SLC26A9: variants seen among roughly 807,000 people sequenced by gnomAD.
The protein encoded by SLC26A9 is anion transporter/exchanger protein 9.
Under a neutral mutation model 87.1 loss-of-function variants are expected in SLC26A9, and 46 were observed. The observed-to-expected ratio is 0.53, with a 90% CI of 0.42 to 0.67. The LOEUF is 0.67. Among genes scored for constraint, SLC26A9 ranks in the 30% least tolerant of loss-of-function variants. The pLI, the probability that SLC26A9 is intolerant of heterozygous loss-of-function variation, is 0.00. For synonymous variants in SLC26A9, 437 were observed against 409.1 expected, an observed-to-expected ratio of 1.07 and a Z score of -0.82; for missense variants, 927 against 1,018.3, an observed-to-expected ratio of 0.91 and a Z score of 1.22.
chr1:205,931,351 C>T (rs1165859635), intron 5 of SLC26A9, among the ~76,000 whole-genome samples: 1 of 151,842 alleles, frequency 6.6e-6, no homozygotes, highest in Admixed American at 6.6e-5. Context: ...TAACCAGGTA[C>T]AGCTGTTGTT....
In SLC26A9 at chr1:205,927,766, G is replaced by A. The variant is rs1375561484; in HGVS notation, c.1101+136C>T. On this transcript the variant is annotated intron_variant, in intron 9 of 20. Coordinates refer to ENST00000367135, the MANE Select transcript of SLC26A9 (RefSeq NM_052934.4). ...GTCAAGAGGAGGTCAGCCTCTTAGG[G>A]TCAGAGGACCCCCTATCCCCCACAC... 3.4e-6 allele frequency: 5 copies of A among 1,468,018 alleles called. No homozygotes were observed. In the Admixed American group the frequency reaches 7.8e-5, roughly 23 times the overall value. The allele number at this position is 1,468,018 out of a possible 1,614,324, so 90.9% of individuals were successfully genotyped here.
At chr1:205,919,481 A>T (rs1658731922) in intron 18 of SLC26A9, among the ~76,000 whole-genome samples, 1 of 152,082 alleles carries the variant, frequency 6.6e-6, no homozygotes, top group Non-Finnish European at 1.5e-5. Flanking sequence ...GCCACTGCAG[A>T]TTCTCTCCCC....
chr1:205,915,070 G>A lies in SLC26A9; in HGVS notation c.*287C>T. ...CAAGGACAGGGCAGAGGTGGGTGGGGTGGAGTGAGCAGGAGGCTTGTCCAT... is the reference window on the plus strand; with the variant it reads ...CAAGGACAGGGCAGAGGTGGGTGGGATGGAGTGAGCAGGAGGCTTGTCCAT... On this transcript the variant is annotated 3_prime_UTR_variant, in exon 21 of 21. Coordinates refer to ENST00000367135, the MANE Select transcript of SLC26A9 (RefSeq NM_052934.4). 6.2e-7 allele frequency: 1 copy of A among 1,614,196 alleles called. No homozygotes were observed.
intron 17 of SLC26A9, among the ~76,000 whole-genome samples, chr1:205,920,943 C>T (rs1293725959): frequency 6.6e-6 from 1 of 152,242 alleles, no homozygotes; most frequent in Non-Finnish European, 1.5e-5. Flanking sequence ...CCGGCTGAGG[C>T]CCAAGGCTGG....
intron 5 of SLC26A9, among the ~76,000 whole-genome samples, chr1:205,931,246 A>C (rs1012491737): frequency 2.6e-5 from 4 of 152,200 alleles, no homozygotes; most frequent in African/African-American, 9.7e-5. Flanking sequence ...GAAAATTAGC[A>C]GTCTGCAAGA....
chr1:205,931,359 G>GT (rs1011550895), intron 5 of SLC26A9, among the ~76,000 whole-genome samples: 9 of 150,772 alleles, frequency 6.0e-5, no homozygotes, highest in Non-Finnish European at 8.8e-5. Context: ...TACAGCTGTT[G>GT]TTTTTTTGTA....
chr1:205,942,171 A>G lies in SLC26A9; in HGVS notation c.-19+1194T>C, dbSNP rs1659775007. On this transcript the variant is annotated intron_variant, in intron 1 of 20. Coordinates refer to ENST00000367135, the MANE Select transcript of SLC26A9 (RefSeq NM_052934.4). ...CGGAAGACTCTGGGCATTAAAAGAT[A>G]AAGAGGAGTCCGTCTCTGCCCCAGG... Among the ~76,000 whole-genome samples, 5 of 152,334 alleles carry G rather than the reference A, an allele frequency of 3.3e-5. No homozygotes were observed. In the South Asian group the frequency reaches 1.0e-3, roughly 32 times the overall value.
At position 205,929,508 on chromosome 1, in the gene SLC26A9, C is replaced by T. The variant is rs1433331002; in HGVS notation, c.718-152G>A. On this transcript the variant is annotated intron_variant, in intron 6 of 20. Transcript: ENST00000367135. Reference sequence around the variant, plus strand: ...ACCCTGATCAGGAACCCTGTCCCGTCGCCCACCGCCCTTTCCCAAAAGGCA... The same window carrying T: ...ACCCTGATCAGGAACCCTGTCCCGTTGCCCACCGCCCTTTCCCAAAAGGCA... The T allele has an allele frequency of 7.4e-6, 9 of 1,211,142 alleles. No individual in the cohort carries two copies. In the African/African-American group the frequency reaches 7.7e-5, roughly 10 times the overall value. The allele number at this position is 1,211,142 out of a possible 1,614,324, so 75.0% of individuals were successfully genotyped here. A position where few individuals can be genotyped will look rare whatever the true frequency, so the allele number is the denominator to read the frequency against.
At position 205,921,827 on chromosome 1, in the gene SLC26A9, C is replaced by A; in HGVS notation, c.1794G>T (p.Leu598=). ...MKTKTVSLQE[L]QQDFENAPPT... is the part of the protein sequence containing the mutation. ...GGGGCGCATTCTCAAAGTCCTGCTG[C>A]AGCTCCTGCAGGGAGACAGTCTGGA... The change falls in exon 17 of 21, where the codon CTG becomes CTT. Residue 598 remains leucine, a synonymous_variant. Coordinates refer to ENST00000367135, the MANE Select transcript of SLC26A9 (RefSeq NM_052934.4). 6.2e-7 allele frequency: 1 copy of A among 1,606,690 alleles called. No individual in the cohort carries two copies. Among genetic ancestry groups the A allele is most frequent in the South Asian group, 1.1e-5 (1 of 89,802 alleles).
intron 12 of SLC26A9, 187 bp from the exon 13 acceptor site, chr1:205,924,676 C>T (rs945509950): frequency 7.7e-5 from 43 of 559,972 alleles, no homozygotes; most frequent in Non-Finnish European, 1.2e-4. Flanking sequence ...TTCCTCTTTC[C>T]CTTAGATTGA....
intron 12 of SLC26A9, among the ~76,000 whole-genome samples, chr1:205,925,749 A>G (rs1659037964): frequency 6.6e-6 from 1 of 152,126 alleles, no homozygotes; most frequent in South Asian, 2.1e-4. Context: ...TTGACAATTT[A>G]CTTAACCATT....
At chr1:205,931,758 C>T (rs938389058) in intron 5 of SLC26A9, 102 bp downstream of exon 5, 66 of 1,450,126 alleles carry the variant, frequency 4.6e-5, no homozygotes, top group Non-Finnish European at 5.6e-5. Context: ...TGAGCCTCCA[C>T]ACCCAGCCCC....
chr1:205,917,185 A>G (rs1187530936), intron 20 of SLC26A9, 98 bp downstream of exon 20: 6 of 1,151,946 alleles, frequency 5.2e-6, no homozygotes, highest in Non-Finnish European at 7.8e-6. Context: ...TCTGGGCTGG[A>G]GGTGAGACAG....
At chr1:205,922,979 G>T in intron 16 of SLC26A9, 103 bp downstream of exon 16, 1 of 949,034 alleles carries the variant, frequency 1.1e-6, no homozygotes, top group South Asian at 1.4e-5. Flanking sequence ...GTCTTTGCCT[G>T]TCAGGGTGGG....
rs6669481 is a variant in SLC26A9, at chr1:205,915,146, T to A, written c.*211A>T. 6.2e-7 allele frequency: 1 copy of A among 1,612,994 alleles called. No homozygotes were observed. Among genetic ancestry groups the A allele is most frequent in the African/African-American group, 1.3e-5 (1 of 74,734 alleles). On this transcript the variant is annotated 3_prime_UTR_variant, in exon 21 of 21. Transcript: ENST00000367135. ...AGTGGGCTCACCAGACTCTCACTCCTGTAAGGGTAGCACCCCCCTGCTGCT... is the reference window on the plus strand; with the variant it reads ...AGTGGGCTCACCAGACTCTCACTCCAGTAAGGGTAGCACCCCCCTGCTGCT...
rs1230398924 is a variant in SLC26A9, at chr1:205,915,228, G to A, written c.*129C>T. On this transcript the variant is annotated 3_prime_UTR_variant, in exon 21 of 21. Coordinates refer to ENST00000367135, the MANE Select transcript of SLC26A9 (RefSeq NM_052934.4). ...AGGAAGGGAGGAGAGAGGGGGAGAG[G>A]AGAGAGGAACCCAAGCTCTGGGGGA... The A allele has an allele frequency of 3.7e-6, 6 of 1,603,542 alleles. No homozygotes were observed. In the African/African-American group the frequency reaches 4.0e-5, roughly 11 times the overall value.
At chr1:205,942,373 C>T (rs1041190139) in intron 1 of SLC26A9, among the ~76,000 whole-genome samples, 26 of 152,078 alleles carry the variant, frequency 1.7e-4, no homozygotes, top group African/African-American at 5.6e-4. Flanking sequence ...CTGTGGGGTT[C>T]TGAGAAAGGG....
At position 205,915,125 on chromosome 1, in the gene SLC26A9, G is replaced by A. The variant is rs764909473; in HGVS notation, c.*232C>T. ...GCCAGGGCCTGACGGGTGAAGAGTGGGCTCACCAGACTCTCACTCCTGTAA... is the reference window on the plus strand; with the variant it reads ...GCCAGGGCCTGACGGGTGAAGAGTGAGCTCACCAGACTCTCACTCCTGTAA... On this transcript the variant is annotated 3_prime_UTR_variant, in exon 21 of 21. Coordinates refer to ENST00000367135, the MANE Select transcript of SLC26A9 (RefSeq NM_052934.4). The A allele has an allele frequency of 1.2e-6, 2 of 1,613,784 alleles. No individual in the cohort carries two copies. The highest frequency in any genetic ancestry group is 1.7e-4 in the Middle Eastern group (1 of 6,060).
At position 205,941,011 on chromosome 1, in the gene SLC26A9, C is replaced by T. The variant is rs563561344; in HGVS notation, c.-19+2354G>A. ...CTCCCTGCCTCATCCAGGGTGGGGG[C>T]CACAGGGTAAGAGCAGCCTCTGAGT... is the stretch of plus-strand genomic sequence containing the variant. On this transcript the variant is annotated intron_variant, in intron 1 of 20. Coordinates refer to ENST00000367135, the MANE Select transcript of SLC26A9 (RefSeq NM_052934.4). Among the ~76,000 whole-genome samples the T allele has an allele frequency of 7.7e-4, 117 of 152,082 alleles. 1 individual carries two copies. The highest frequency in any genetic ancestry group is 1.4e-3 in the Non-Finnish European group (93 of 68,016).
Sources: gnomAD v4.1 joint callset for allele counts (sites outside exome capture counted in the v4.1 genomes callset) on GRCh38, gnomAD v4.1.1 for gene constraint, MANE v1.5 for transcripts, NCBI Gene and HGNC (gene_info 2026-07-23, HGNC 2026-07-21) for gene names.